The following HDAC9 variants were observed in gnomAD, a reference collection of about 807,000 sequenced individuals.
The protein encoded by HDAC9 is histone deacetylase 9.
In HDAC9, 41 loss-of-function variants were observed where a neutral mutation model predicts 139.4. That is an observed-to-expected ratio of 0.29 (90% CI 0.23 to 0.38). HDAC9 has a LOEUF of 0.38. Among genes scored for constraint, HDAC9 ranks in the 10% least tolerant of loss-of-function variants. The pLI is 1.00. For missense variants in HDAC9, 1,147 were observed against 1,297.0 expected, an observed-to-expected ratio of 0.88 and a Z score of 1.78; for synonymous variants, 517 against 476.2, an observed-to-expected ratio of 1.09 and a Z score of -1.12.
At chr7:18,681,171 A>G (rs1039211378) in intron 12 of HDAC9, among the ~76,000 whole-genome samples, 2 of 151,890 alleles carry the variant, frequency 1.3e-5, no homozygotes, top group African/African-American at 4.8e-5. Context: ...TCATGTGTGT[A>G]TTTTTGTGTG....
intron 22 of HDAC9, among the ~76,000 whole-genome samples, chr7:18,893,221 A>C (rs1800855690): frequency 6.6e-6 from 1 of 152,112 alleles, no homozygotes; most frequent in African/African-American, 2.4e-5. Context: ...CGTAAGCTAC[A>C]GGGAGATCTG....
rs561559150 is a variant in HDAC9, at chr7:18,944,315, C to CT, written c.2937+8374dup. Among the ~76,000 whole-genome samples, 4 of 152,308 alleles carry CT rather than the reference C, an allele frequency of 2.6e-5. No homozygotes were observed. The South Asian group carries it at 8.3e-4, about 32-fold the overall frequency. On this transcript the variant is annotated intron_variant, in intron 23 of 25. Coordinates refer to ENST00000686413, the MANE Select transcript of HDAC9 (RefSeq NM_178425.4). Reference sequence around the variant, plus strand: ...CAACTGAACCCTTTCTGCATTTTGTCTGAGTCGCTTTGCATGTTGCAGGGG... The same window carrying CT: ...CAACTGAACCCTTTCTGCATTTTGTCTTGAGTCGCTTTGCATGTTGCAGGGG...
chr7:18,421,531 G>T (rs1789618157), intron 1 of HDAC9, among the ~76,000 whole-genome samples: 1 of 152,156 alleles, frequency 6.6e-6, no homozygotes, highest in South Asian at 2.1e-4. Flanking sequence ...GAATAAAACA[G>T]AAAGAACACA....
chr7:18,293,108 A>G (rs562098688), intron 1 of HDAC9, among the ~76,000 whole-genome samples: 81 of 152,242 alleles, frequency 5.3e-4, no homozygotes, highest in Admixed American at 1.4e-3. Context: ...ACAATTTGCA[A>G]TCGTTCATTT....
intron 1 of HDAC9, among the ~76,000 whole-genome samples, chr7:18,117,679 A>G (rs76146775): frequency 0.16 from 24,338 of 152,072 alleles, 2,414 homozygotes; most frequent in South Asian, 0.34. Flanking sequence ...GGAAGAGGCA[A>G]GGAAGGACTC....
intron 1 of HDAC9, among the ~76,000 whole-genome samples, chr7:18,155,964 C>T (rs1584369011): frequency 6.6e-6 from 1 of 152,142 alleles, no homozygotes; most frequent in South Asian, 2.1e-4. Context: ...CCATCAGCTT[C>T]CCAGTCCCCA....
chr7:18,359,800 G>A (rs1165605579), intron 1 of HDAC9, among the ~76,000 whole-genome samples: 2 of 152,090 alleles, frequency 1.3e-5, no homozygotes, highest in African/African-American at 2.4e-5. Flanking sequence ...GTAGAGACAG[G>A]GTTTCACCAT....
At chr7:18,633,890 C>A (rs1783075457) in intron 7 of HDAC9, among the ~76,000 whole-genome samples, 1 of 152,060 alleles carries the variant, frequency 6.6e-6, no homozygotes, top group Non-Finnish European at 1.5e-5. Flanking sequence ...AATTTCATAT[C>A]TGAAGAGGAA....
chr7:18,210,341 G>A (rs1791849695), intron 2 of HDAC9, among the ~76,000 whole-genome samples: 1 of 152,050 alleles, frequency 6.6e-6, no homozygotes, highest in Admixed American at 6.5e-5. Flanking sequence ...TAGCGTCATC[G>A]GCTTTGGAAA....
At chr7:18,255,421 A>G (rs1795166903) in intron 2 of HDAC9, among the ~76,000 whole-genome samples, 1 of 152,152 alleles carries the variant, frequency 6.6e-6, no homozygotes, top group African/African-American at 2.4e-5. Flanking sequence ...GACAGCCATA[A>G]GTCAGACAGG....
At chr7:18,134,872 C>T (rs1179515538) in intron 1 of HDAC9, among the ~76,000 whole-genome samples, 1 of 152,064 alleles carries the variant, frequency 6.6e-6, no homozygotes, top group Non-Finnish European at 1.5e-5. Context: ...GAATTCATTG[C>T]CATTTGTTTT....
At chr7:18,740,529 G>T (rs2129141261) in intron 13 of HDAC9, among the ~76,000 whole-genome samples, 1 of 152,270 alleles carries the variant, frequency 6.6e-6, no homozygotes, top group South Asian at 2.1e-4. Flanking sequence ...CCACTAAGCG[G>T]GCATGGCCCC....
At chr7:18,745,883 CTTT>C (rs752292349) in intron 13 of HDAC9, among the ~76,000 whole-genome samples, 14 of 99,474 alleles carry the variant, frequency 1.4e-4, no homozygotes, top group African/African-American at 5.5e-4. Context: ...TCTTCTTCTT[CTTT>C]TTTTTTTTTT....
At chr7:18,928,821 ATTTAT>A (rs1191850662) in intron 22 of HDAC9, among the ~76,000 whole-genome samples, 3 of 145,928 alleles carry the variant, frequency 2.1e-5, no homozygotes, top group South Asian at 2.1e-4. Context: ...GATGATGATC[ATTTAT>A]TTTATTTATT....
chr7:18,103,070 T>C (rs1562621375), intron 1 of HDAC9, among the ~76,000 whole-genome samples: 1 of 152,126 alleles, frequency 6.6e-6, no homozygotes, highest in Non-Finnish European at 1.5e-5. Context: ...CTCACAATCA[T>C]GGTGGAAGGC....
intron 21 of HDAC9, 135 bp downstream of exon 21, chr7:18,836,132 A>T (rs1796220173): frequency 1.8e-6 from 1 of 550,474 alleles, no homozygotes; most frequent in African/African-American, 1.9e-5. Flanking sequence ...AATATGTATA[A>T]GAAGAAAAGA....
intron 2 of HDAC9, among the ~76,000 whole-genome samples, chr7:18,163,483 T>G (rs551045939): frequency 1.3e-5 from 2 of 152,324 alleles, no homozygotes. Context: ...TCATAGTTTT[T>G]GATTTCGTAA....
At chr7:18,738,596 C>A (rs1787145957) in intron 13 of HDAC9, among the ~76,000 whole-genome samples, 1 of 152,224 alleles carries the variant, frequency 6.6e-6, no homozygotes, top group Admixed American at 6.5e-5. Flanking sequence ...CCTCCACTCT[C>A]TTCTGGCTTG....
chr7:18,431,699 C>T (rs1485514847), intron 1 of HDAC9, among the ~76,000 whole-genome samples: 2 of 152,152 alleles, frequency 1.3e-5, no homozygotes, highest in African/African-American at 4.8e-5. Flanking sequence ...TAGATAAATA[C>T]ATACTGGATT....
Sources: gnomAD v4.1 joint callset for allele counts (sites outside exome capture counted in the v4.1 genomes callset) on GRCh38, gnomAD v4.1.1 for gene constraint, MANE v1.5 for transcripts, NCBI Gene and HGNC (gene_info 2026-07-23, HGNC 2026-07-21) for gene names.